Variants in CAST observed in about 807,000 individuals in gnomAD.
The protein encoded by CAST is calpastatin.
In CAST, 76 loss-of-function variants were observed where a neutral mutation model predicts 119.6. That is an observed-to-expected ratio of 0.64 (90% CI 0.53 to 0.77). The LOEUF is 0.77. CAST is among the 30% of genes least tolerant of loss of function. CAST has a pLI of 0.00. For missense variants in CAST, 953 were observed against 946.5 expected, an observed-to-expected ratio of 1.01 and a Z score of -0.09; for synonymous variants, 319 against 331.6, an observed-to-expected ratio of 0.96 and a Z score of 0.41.
the CAST span, among the ~76,000 whole-genome samples, chr5:96,425,052 GAAAGAAAGA>G: frequency 8.4e-6 from 1 of 119,144 alleles, no homozygotes; most frequent in African/African-American, 3.1e-5. Context: ...AAGAAAGAAA[GAAAGAAAGA>G]AAGAAAGAAA....
At chr5:96,541,465 C>A (rs1202607967) in intron 1 of CAST, among the ~76,000 whole-genome samples, 1 of 152,164 alleles carries the variant, frequency 6.6e-6, no homozygotes, top group East Asian at 1.9e-4. Flanking sequence ...CCCCTGACCT[C>A]CTAAATGATG....
chr5:96,455,721 A>G, the CAST span, among the ~76,000 whole-genome samples: 3,236 of 152,198 alleles, frequency 0.021, 131 homozygotes, highest in African/African-American at 0.074. Context: ...TAGCTTAACC[A>G]TTGCCTCCTC....
At chr5:96,034,760 C>T in the CAST span, among the ~76,000 whole-genome samples, 1 of 151,356 alleles carries the variant, frequency 6.6e-6, no homozygotes, top group East Asian at 1.9e-4. Flanking sequence ...ACCAGCATCT[C>T]CCCAACACCC....
At chr5:96,323,810 C>T in the CAST span, among the ~76,000 whole-genome samples, 2 of 152,124 alleles carry the variant, frequency 1.3e-5, no homozygotes, top group African/African-American at 4.8e-5. Context: ...AACCAGGGGC[C>T]CTGAAGAGAA....
intron 2 of CAST, among the ~76,000 whole-genome samples, chr5:96,692,255 A>C (rs1752809841): frequency 6.6e-6 from 1 of 152,110 alleles, no homozygotes; most frequent in Non-Finnish European, 1.5e-5. Flanking sequence ...AAGGAGTATA[A>C]GTGTGAAGAG....
At chr5:96,713,963 T>C (rs1347843302) in intron 3 of CAST, among the ~76,000 whole-genome samples, 3 of 151,952 alleles carry the variant, frequency 2.0e-5, no homozygotes, top group African/African-American at 7.3e-5. Flanking sequence ...GACAGAGCAA[T>C]ACTCTGTCCA....
chr5:95,988,489 A>G, the CAST span, among the ~76,000 whole-genome samples: 2 of 152,312 alleles, frequency 1.3e-5, no homozygotes, highest in Admixed American at 1.3e-4. Context: ...AATAAAAGTC[A>G]TACATAGAAC....
chr5:96,499,649 G>C, the CAST span, among the ~76,000 whole-genome samples: 1 of 152,212 alleles, frequency 6.6e-6, no homozygotes, highest in Non-Finnish European at 1.5e-5. Context: ...TGAAAGATTT[G>C]TCTGGACTAT....
chr5:96,456,991 C>T, the CAST span, among the ~76,000 whole-genome samples: 1 of 152,208 alleles, frequency 6.6e-6, no homozygotes, highest in African/African-American at 2.4e-5. Flanking sequence ...TTCCTGAGGC[C>T]TTCCAAACCC....
chr5:96,366,515 C>G, the CAST span, among the ~76,000 whole-genome samples: 5 of 152,204 alleles, frequency 3.3e-5, no homozygotes, highest in African/African-American at 1.2e-4. Context: ...TTCTTGGAGG[C>G]TTTGTTCCTT....
the CAST span, among the ~76,000 whole-genome samples, chr5:96,289,793 T>A: frequency 6.6e-6 from 1 of 152,192 alleles, no homozygotes; most frequent in African/African-American, 2.4e-5. Context: ...TGCACAATCC[T>A]CAGCTTTGTT....
At chr5:96,450,448 GT>G in the CAST span, among the ~76,000 whole-genome samples, 1 of 152,132 alleles carries the variant, frequency 6.6e-6, no homozygotes, top group East Asian at 1.9e-4. Flanking sequence ...AGGTGGGAGG[GT>G]GAAAAGGAGG....
the CAST span, among the ~76,000 whole-genome samples, chr5:96,029,286 A>G: frequency 1.3e-5 from 2 of 152,174 alleles, no homozygotes; most frequent in Non-Finnish European, 2.9e-5. Flanking sequence ...AAATTTTAAT[A>G]TATCTATCCA....
At chr5:96,507,185 G>A in the CAST span, among the ~76,000 whole-genome samples, 1 of 152,198 alleles carries the variant, frequency 6.6e-6, no homozygotes, top group South Asian at 2.1e-4. Flanking sequence ...TGAGACCTGG[G>A]GATGAGAAGG....
At chr5:96,371,447 T>C in the CAST span, among the ~76,000 whole-genome samples, 3 of 152,272 alleles carry the variant, frequency 2.0e-5, no homozygotes, top group Non-Finnish European at 4.4e-5. Context: ...ATTTATTTTC[T>C]GATAGCACAC....
At chr5:96,588,108 A>AT (rs998930508) in intron 1 of CAST, among the ~76,000 whole-genome samples, 11 of 147,698 alleles carry the variant, frequency 7.4e-5, no homozygotes, top group African/African-American at 2.5e-4. Context: ...GGGTGTTATT[A>AT]TTTTTTTCAT....
At chr5:96,748,945 G>A (rs1764372464) in intron 19 of CAST, among the ~76,000 whole-genome samples, 1 of 152,000 alleles carries the variant, frequency 6.6e-6, no homozygotes, top group African/African-American at 2.4e-5. Context: ...CTTCATGTCC[G>A]CCGGACTCAT....
the CAST span, chr5:96,395,172 T>C: frequency 1.4e-6 from 1 of 708,762 alleles, no homozygotes; most frequent in Non-Finnish European, 2.4e-6. Context: ...GATCCACTCT[T>C]GCTATAAAAA....
chr5:96,603,032 T>A (rs184989450), intron 1 of CAST, among the ~76,000 whole-genome samples: 11 of 152,328 alleles, frequency 7.2e-5, no homozygotes, highest in African/African-American at 2.6e-4. Flanking sequence ...GTTTGTTTTC[T>A]AAGCATTGCT....
Sources: gnomAD v4.1 joint callset for allele counts (sites outside exome capture counted in the v4.1 genomes callset) on GRCh38, gnomAD v4.1.1 for gene constraint, MANE v1.5 for transcripts, NCBI Gene and HGNC (gene_info 2026-07-23, HGNC 2026-07-21) for gene names.